SNX8: variants seen among roughly 807,000 people sequenced by gnomAD.
The protein encoded by SNX8 is sorting nexin-8.
SNX8 carries 25 observed loss-of-function variants against 51.6 expected under a neutral mutation model. That is an observed-to-expected ratio of 0.48 (90% CI 0.35 to 0.68). The LOEUF (loss-of-function observed/expected upper bound fraction) is 0.68. SNX8 is among the 30% of genes least tolerant of loss of function. The pLI, the probability that SNX8 is intolerant of heterozygous loss-of-function variation, is 0.00. For synonymous variants in SNX8, 324 were observed against 277.0 expected (o/e 1.17, Z -1.68); for missense variants, 695 against 624.0 (o/e 1.11, Z -1.21).
intron 1 of SNX8, among the ~76,000 whole-genome samples, chr7:2,285,209 C>T (rs1439339778): frequency 9.4e-6 from 1 of 106,490 alleles, no homozygotes; most frequent in Non-Finnish European, 1.9e-5. Flanking sequence ...AAGACTCCGT[C>T]TCAAAAAAAA....
chr7:2,274,972 G>A (rs745509604), intron 3 of SNX8, 140 bp downstream of exon 3: 38 of 621,450 alleles, frequency 6.1e-5, no homozygotes, highest in Non-Finnish European at 9.9e-5. Flanking sequence ...CTCTGTCCCA[G>A]ATGCCAAAAG....
rs751803296 is a variant in SNX8, at chr7:2,284,396, C to CTTTT, written c.95-6095_95-6092dup. Among the ~76,000 whole-genome samples, 545 of 88,844 alleles carry CTTTT rather than the reference C, an allele frequency of 6.1e-3. 6 individuals are homozygous for CTTTT. Among genetic ancestry groups the CTTTT allele is most frequent in the African/African-American group, 8.8e-3 (199 of 22,520 alleles). 58.3% of individuals were successfully genotyped at this position (88,844 alleles called of 152,430 possible). The stretch of plus-strand genomic sequence containing the variant: ...TGTTCATAAACACTGCTTTTATTTC[C>CTTTT]TTTTTTTTTTTTTTTTTTTTTTTGA... On this transcript the variant is annotated intron_variant, in intron 1 of 10. Transcript: ENST00000222990.
At chr7:2,303,249 C>T (rs1424768659) in intron 1 of SNX8, among the ~76,000 whole-genome samples, 2 of 143,478 alleles carry the variant, frequency 1.4e-5, no homozygotes, top group African/African-American at 5.6e-5. Flanking sequence ...GTCAGCCCCC[C>T]GCCCGGCCAG....
intron 9 of SNX8, 49 bp from the exon 10 acceptor site, chr7:2,257,072 A>C: frequency 1.3e-6 from 2 of 1,544,384 alleles, no homozygotes; most frequent in Non-Finnish European, 1.7e-6. Flanking sequence ...CGGCGACGGG[A>C]GCACCAAGGC....
Position 2,258,472 on chromosome 7 carries a change from C to T in SNX8, c.916-669G>A, listed in dbSNP as rs910414750. ...TGGGAGAGCCAGATGCCCCAGACCC[C>T]CCGACCCCTAAGGCTCCATCAAGCA... On this transcript the variant is annotated intron_variant, in intron 7 of 10. Transcript: ENST00000222990. Among the ~76,000 whole-genome samples the T allele has an allele frequency of 3.9e-5, 6 of 152,148 alleles. 1 individual carries two copies. Among genetic ancestry groups the T allele is most frequent in the African/African-American group, 1.4e-4 (6 of 41,432 alleles).
chr7:2,309,677 G>A (rs1796621517), intron 1 of SNX8: 1 of 409,268 alleles, frequency 2.4e-6, no homozygotes, highest in African/African-American at 2.1e-5. Flanking sequence ...GTTGCGGTGA[G>A]CCGAGATCGC....
chr7:2,307,409 G>GATCA (rs1796567404), intron 1 of SNX8, among the ~76,000 whole-genome samples: 1 of 151,948 alleles, frequency 6.6e-6, no homozygotes, highest in Non-Finnish European at 1.5e-5. Flanking sequence ...AAGGCGGGGG[G>GATCA]ATCACTGAGG....
intron 1 of SNX8, among the ~76,000 whole-genome samples, chr7:2,282,022 G>T (rs1031598169): frequency 2.6e-5 from 4 of 152,172 alleles, no homozygotes; most frequent in Non-Finnish European, 5.9e-5. Context: ...CCCCTGAAAT[G>T]CCGCTCACTA....
chr7:2,343,517 T>C (rs2115247305), intron 1 of SNX8, among the ~76,000 whole-genome samples: 1 of 151,252 alleles, frequency 6.6e-6, no homozygotes, highest in African/African-American at 2.4e-5. Flanking sequence ...CTACTAAAAA[T>C]ACAAAAAATT....
chr7:2,269,770 C>T, intron 4 of SNX8, 131 bp from the exon 5 acceptor site: 1 of 548,418 alleles, frequency 1.8e-6, no homozygotes, highest in Non-Finnish European at 3.2e-6. Flanking sequence ...TTGGCTTTGA[C>T]ATTAGTATTC....
chr7:2,304,404 C>T (rs1043601685), intron 1 of SNX8, among the ~76,000 whole-genome samples: 3 of 151,590 alleles, frequency 2.0e-5, no homozygotes, highest in Middle Eastern at 3.4e-3. Flanking sequence ...ATTAGCCAGG[C>T]GTGGTGGCGG....
chr7:2,289,213 G>A (rs957769940), intron 1 of SNX8, among the ~76,000 whole-genome samples: 5 of 152,086 alleles, frequency 3.3e-5, no homozygotes, highest in African/African-American at 7.2e-5. Flanking sequence ...TCTGCTGCGG[G>A]GCATCTGGGA....
At chr7:2,346,694 T>C (rs540504723) in intron 1 of SNX8, among the ~76,000 whole-genome samples, 47 of 127,764 alleles carry the variant, frequency 3.7e-4, no homozygotes, top group South Asian at 3.3e-3. Context: ...TGCAGTGAGC[T>C]GAGATTGCGC....
intron 1 of SNX8, among the ~76,000 whole-genome samples, chr7:2,321,170 C>T (rs1216580775): frequency 2.0e-5 from 3 of 152,124 alleles, no homozygotes; most frequent in South Asian, 4.1e-4. Flanking sequence ...TTCTCACACA[C>T]GCAGAATAAA....
At chr7:2,318,656 T>C (rs1012751793), upstream of SNX8, among the ~76,000 whole-genome samples, 5 of 151,816 alleles carry the variant, frequency 3.3e-5, no homozygotes, top group South Asian at 6.3e-4. Flanking sequence ...GATTGCGCCA[T>C]TGTACTCCAG....
intron 1 of SNX8, among the ~76,000 whole-genome samples, chr7:2,327,617 C>T (rs1778647610): frequency 6.6e-6 from 1 of 151,838 alleles, no homozygotes; most frequent in Non-Finnish European, 1.5e-5. Flanking sequence ...CTGTGTTAGC[C>T]AGGATGGTCT....
In SNX8 at chr7:2,347,685, A is replaced by G. The variant is rs1252537904; in HGVS notation, c.-66+6537T>C. Among the ~76,000 whole-genome samples, 6 of 144,162 alleles carry G rather than the reference A, an allele frequency of 4.2e-5. No individual in the cohort carries two copies. In the Admixed American group the frequency reaches 4.4e-4, roughly 10 times the overall value. The allele number at this position is 144,162 out of a possible 152,430, so 94.6% of individuals were successfully genotyped here. On this transcript the variant is annotated intron_variant, in intron 1 of 5. Transcript: ENST00000435336. ...TGTTGAGATGGAGTCTTGCTCTGTC[A>G]CCCAGGCTGGAGTGCAGTGGTGTGA...
intron 1 of SNX8, among the ~76,000 whole-genome samples, chr7:2,304,006 A>T (rs1796480948): frequency 6.6e-6 from 1 of 151,268 alleles, no homozygotes; most frequent in Non-Finnish European, 1.5e-5. Context: ...AAAAAAAAAA[A>T]ATACAAAAAA....
rs151075477 is a variant in SNX8, at chr7:2,333,112, C to T, written c.-66+21110G>A. Among the ~76,000 whole-genome samples, 1,208 of 151,042 alleles carry T rather than the reference C, an allele frequency of 8.0e-3. 16 individuals are homozygous for T. Among genetic ancestry groups the T allele is most frequent in the African/African-American group, 0.028 (1,148 of 41,192 alleles). ...TAAAAAAATAGAGACGGGGGTCTCA[C>T]TATGTTGCCCAGGCTGGTCTTGAAC... On this transcript the variant is annotated intron_variant, in intron 1 of 5. Coordinates refer to the SNX8 transcript ENST00000435336.
Sources: allele counts gnomAD v4.1 joint callset (sites outside exome capture counted in the v4.1 genomes callset), GRCh38; gene constraint gnomAD v4.1.1; transcripts MANE v1.5; gene names NCBI Gene and HGNC (gene_info 2026-07-23, HGNC 2026-07-21).